AFG2A: variants seen among roughly 807,000 people sequenced by gnomAD.
AFG2A encodes ATPase family gene 2 protein homolog A.
the AFG2A span, chr4:122,923,357 G>A: frequency 1.2e-6 from 2 of 1,607,606 alleles, no homozygotes; most frequent in East Asian, 2.2e-5. Flanking sequence ...AACCTGAGGG[G>A]CGGGAGACTC....
chr4:123,150,002 A>G, the AFG2A span, among the ~76,000 whole-genome samples: 1 of 152,058 alleles, frequency 6.6e-6, no homozygotes, highest in African/African-American at 2.4e-5. Context: ...TACATCACAT[A>G]AACAGAACCA....
chr4:123,182,729 A>C, the AFG2A span, among the ~76,000 whole-genome samples: 1 of 152,202 alleles, frequency 6.6e-6, no homozygotes, highest in African/African-American at 2.4e-5. Context: ...CAATTGAAAG[A>C]TAGTTAATTC....
chr4:122,982,596 A>C, the AFG2A span, among the ~76,000 whole-genome samples: 1 of 152,306 alleles, frequency 6.6e-6, no homozygotes, highest in Admixed American at 6.5e-5. Flanking sequence ...ATGCTTGAGA[A>C]GCATAACTTC....
At chr4:123,104,332 C>T in the AFG2A span, among the ~76,000 whole-genome samples, 6 of 152,050 alleles carry the variant, frequency 3.9e-5, no homozygotes, top group Admixed American at 2.0e-4. Flanking sequence ...AATAAATAAA[C>T]GTTTTGTGTT....
the AFG2A span, among the ~76,000 whole-genome samples, chr4:123,174,052 T>C: frequency 7.2e-5 from 11 of 152,288 alleles, no homozygotes; most frequent in East Asian, 1.9e-3. Context: ...AAATAGTCCT[T>C]ACTTGGAAGT....
chr4:123,038,307 G>A, the AFG2A span, among the ~76,000 whole-genome samples: 1 of 152,038 alleles, frequency 6.6e-6, no homozygotes, highest in African/African-American at 2.4e-5. Flanking sequence ...GACATAGTAA[G>A]CATATAGAAA....
the AFG2A span, among the ~76,000 whole-genome samples, chr4:123,210,786 A>G: frequency 6.6e-6 from 1 of 152,006 alleles, no homozygotes; most frequent in African/African-American, 2.4e-5. Flanking sequence ...GTAATTGCTT[A>G]TAGAAATTGA....
chr4:123,143,564 GTATT>G, the AFG2A span, among the ~76,000 whole-genome samples: 1 of 151,974 alleles, frequency 6.6e-6, no homozygotes, highest in Non-Finnish European at 1.5e-5. Context: ...ACTAAGTACA[GTATT>G]TGTGCTGATA....
At chr4:123,103,113 A>G in the AFG2A span, among the ~76,000 whole-genome samples, 1 of 152,050 alleles carries the variant, frequency 6.6e-6, no homozygotes, top group Non-Finnish European at 1.5e-5. Flanking sequence ...TCCTGAGTAC[A>G]GGCTCTACTG....
chr4:123,122,335 C>T, the AFG2A span, among the ~76,000 whole-genome samples: 628 of 152,324 alleles, frequency 4.1e-3, 5 homozygotes, highest in African/African-American at 0.015. Flanking sequence ...AAACACCTAA[C>T]CTACCAAACA....
chr4:123,309,977 C>G, the AFG2A span, among the ~76,000 whole-genome samples: 2 of 152,176 alleles, frequency 1.3e-5, no homozygotes, highest in Non-Finnish European at 2.9e-5. Flanking sequence ...GATATTATAT[C>G]ATATCTTGGA....
chr4:122,928,022 A>C, the AFG2A span, among the ~76,000 whole-genome samples: 8,129 of 152,264 alleles, frequency 0.053, 515 homozygotes, highest in African/African-American at 0.16. Context: ...TTTAATTTTC[A>C]ACACAAGCAG....
At chr4:122,981,081 T>C in the AFG2A span, among the ~76,000 whole-genome samples, 1 of 152,190 alleles carries the variant, frequency 6.6e-6, no homozygotes, top group African/African-American at 2.4e-5. Flanking sequence ...CCTGGACCCA[T>C]GCCATAAGGC....
At chr4:122,936,983 A>G in the AFG2A span, among the ~76,000 whole-genome samples, 8 of 152,040 alleles carry the variant, frequency 5.3e-5, no homozygotes, top group Non-Finnish European at 1.0e-4. Context: ...TTTGACTCGA[A>G]AAAATAAAAA....
chr4:123,139,135 C>A, the AFG2A span, among the ~76,000 whole-genome samples: 2 of 152,050 alleles, frequency 1.3e-5, no homozygotes, highest in Non-Finnish European at 2.9e-5. Context: ...AATATTAAGA[C>A]AAAAGCTTGA....
the AFG2A span, among the ~76,000 whole-genome samples, chr4:123,044,406 A>G: frequency 3.9e-5 from 6 of 152,288 alleles, no homozygotes; most frequent in Admixed American, 3.9e-4. Context: ...TCAGTTATCC[A>G]TTTGTAAACT....
the AFG2A span, among the ~76,000 whole-genome samples, chr4:123,255,715 CTAT>C: frequency 0.43 from 44,349 of 102,170 alleles, 11,316 homozygotes; most frequent in Admixed American, 0.58. Context: ...TACTGCTTTT[CTAT>C]TTTTTTTTTT....
the AFG2A span, among the ~76,000 whole-genome samples, chr4:123,301,103 C>A: frequency 6.6e-6 from 1 of 152,012 alleles, no homozygotes; most frequent in African/African-American, 2.4e-5. Flanking sequence ...GGTTTTGGAT[C>A]CTTTTTAGAC....
At chr4:122,924,302 T>TC in the AFG2A span, among the ~76,000 whole-genome samples, 1 of 152,304 alleles carries the variant, frequency 6.6e-6, no homozygotes, top group Non-Finnish European at 1.5e-5. Flanking sequence ...CCAAGCTTCT[T>TC]AAATGGAGTG....
Sources: gnomAD v4.1 joint callset for allele counts (sites outside exome capture counted in the v4.1 genomes callset) on GRCh38, gnomAD v4.1.1 for gene constraint, MANE v1.5 for transcripts, NCBI Gene and HGNC (gene_info 2026-07-23, HGNC 2026-07-21) for gene names.